CAPZA2: variants seen among roughly 807,000 people sequenced by gnomAD.
CAPZA2 encodes the protein F-actin-capping protein subunit alpha-2.
In CAPZA2, 13 loss-of-function variants were observed where a neutral mutation model predicts 44.0. The ratio of observed to expected loss-of-function variants is 0.30; its 90% confidence interval spans 0.19 to 0.47. The LOEUF (loss-of-function observed/expected upper bound fraction) is 0.47, where lower values mean the gene tolerates loss of function less well. CAPZA2 is among the 20% of genes least tolerant of loss of function. The pLI, the probability that CAPZA2 is intolerant of heterozygous loss-of-function variation, is 1.00. For synonymous variants in CAPZA2, 94 were observed against 108.2 expected (o/e 0.87, Z 0.81); for missense variants, 244 against 338.6 (o/e 0.72, Z 2.19).
At chr7:116,864,953 G>A (rs1026462796) in intron 1 of CAPZA2, among the ~76,000 whole-genome samples, 3 of 152,068 alleles carry the variant, frequency 2.0e-5, no homozygotes, top group Non-Finnish European at 4.4e-5. Flanking sequence ...AAGAGAAGCT[G>A]TTAAGATGTG....
chr7:116,887,749 C>T (rs1796782931), intron 1 of CAPZA2, among the ~76,000 whole-genome samples: 3 of 152,240 alleles, frequency 2.0e-5, no homozygotes, highest in South Asian at 4.1e-4. Flanking sequence ...AGGAGAATCA[C>T]GTAAACCCAG....
chr7:116,892,376 A>G (rs1277167208), intron 2 of CAPZA2, among the ~76,000 whole-genome samples: 1 of 152,228 alleles, frequency 6.6e-6, no homozygotes, highest in African/African-American at 2.4e-5. Flanking sequence ...TGAGAGCCGT[A>G]CGTGACTTTT....
chr7:116,863,886 A>G (rs1051031101), intron 1 of CAPZA2, among the ~76,000 whole-genome samples: 4 of 152,136 alleles, frequency 2.6e-5, no homozygotes, highest in East Asian at 1.9e-4. Flanking sequence ...TTGCACCGAA[A>G]TAGAAGGTTC....
intron 1 of CAPZA2, among the ~76,000 whole-genome samples, chr7:116,869,082 G>A (rs971511841): frequency 6.6e-6 from 1 of 152,166 alleles, no homozygotes; most frequent in African/African-American, 2.4e-5. Flanking sequence ...TTGAAAAGCA[G>A]GATGGCAAAA....
chr7:116,915,859 C>T (rs1791672621), intron 8 of CAPZA2: 1 of 333,020 alleles, frequency 3.0e-6, no homozygotes, highest in African/African-American at 2.2e-5. Flanking sequence ...AACATTGAGA[C>T]CAGCTTATTC....
At chr7:116,915,445 A>G (rs1289054170) in intron 8 of CAPZA2, 2 of 152,164 alleles carry the variant, frequency 1.3e-5, no homozygotes, top group Non-Finnish European at 2.9e-5. Flanking sequence ...TTTTTACTCT[A>G]TCTTAGGAGG....
chr7:116,899,861 A>G (rs1295936249), intron 4 of CAPZA2, among the ~76,000 whole-genome samples: 3 of 150,358 alleles, frequency 2.0e-5, no homozygotes, highest in African/African-American at 7.3e-5. Flanking sequence ...AAAAGATAAA[A>G]CAAAAAAGGT....
Position 116,921,192 on chromosome 7 carries a change from T to C in CAPZA2, c.*3325T>C, listed in dbSNP as rs1791765832. On this transcript the variant is annotated 3_prime_UTR_variant, in exon 10 of 10. Coordinates refer to ENST00000361183, the MANE Select transcript of CAPZA2 (RefSeq NM_006136.3). ...TGAGGTCCAGAGATCAAGACCATCC[T>C]GGCCAATATGGTGCAACCCCATCTC... The C allele has an allele frequency of 6.6e-6, 1 of 152,196 alleles. No individual in the cohort carries two copies. Among genetic ancestry groups the C allele is most frequent in the Admixed American group, 6.6e-5 (1 of 15,264 alleles). 9.4% of individuals were successfully genotyped at this position (152,196 alleles called of 1,614,324 possible).
intron 4 of CAPZA2, among the ~76,000 whole-genome samples, chr7:116,903,629 TGAA>T (rs1463545833): frequency 2.0e-5 from 3 of 152,170 alleles, no homozygotes; most frequent in Admixed American, 6.5e-5. Context: ...TTTATGGAAA[TGAA>T]GTATGTTTTT....
chr7:116,887,537 A>T (rs1164465258), intron 1 of CAPZA2, among the ~76,000 whole-genome samples: 1 of 151,984 alleles, frequency 6.6e-6, no homozygotes, highest in African/African-American at 2.4e-5. Context: ...CAAAAAAAAA[A>T]TGAAATAAAA....
intron 1 of CAPZA2, among the ~76,000 whole-genome samples, chr7:116,881,568 T>C (rs907836775): frequency 2.6e-5 from 4 of 151,590 alleles, no homozygotes; most frequent in Non-Finnish European, 5.9e-5. Flanking sequence ...TGAAACCCCG[T>C]CTCTACTAAA....
rs1011886318 is a variant in CAPZA2 at position 116,865,177 on chromosome 7, C to CTTTTTTT, written c.39+2547_39+2553dup. 8.2e-4 allele frequency among the ~76,000 whole-genome samples: 72 copies of CTTTTTTT among 87,990 alleles called. 5 individuals carry two copies. Among genetic ancestry groups the CTTTTTTT allele is most frequent in the Non-Finnish European group, 1.2e-3 (53 of 45,128 alleles). The allele number at this position is 87,990 out of a possible 152,430, so 57.7% of individuals were successfully genotyped here. A position where few individuals can be genotyped will look rare whatever the true frequency, so the allele number is the denominator to read the frequency against. ...TTCTTGTGACATTATGCGCTCTCTT[C>CTTTTTTT]TTTTTTTTTTTTTTTTTTTTTTTTT... On this transcript the variant is annotated intron_variant, in intron 1 of 9. Coordinates refer to ENST00000361183, the MANE Select transcript of CAPZA2 (RefSeq NM_006136.3).
intron 1 of CAPZA2, among the ~76,000 whole-genome samples, chr7:116,877,460 G>C (rs1402188705): frequency 6.6e-6 from 1 of 152,190 alleles, no homozygotes; most frequent in Non-Finnish European, 1.5e-5. Context: ...GAGTGATAAG[G>C]CTCCAGTTCT....
At chr7:116,872,883 G>A (rs954428901) in intron 1 of CAPZA2, among the ~76,000 whole-genome samples, 5 of 152,084 alleles carry the variant, frequency 3.3e-5, no homozygotes, top group Non-Finnish European at 7.4e-5. Flanking sequence ...AGTCCCTTAG[G>A]GCATGGGTGC....
Position 116,917,907 on chromosome 7 carries a change from G to A in CAPZA2, c.*40G>A, listed in dbSNP as rs755895548. The A allele has an allele frequency of 2.2e-5, 34 of 1,569,576 alleles. No homozygotes were observed. The highest frequency in any genetic ancestry group is 4.4e-5 in the South Asian group (4 of 89,980). The stretch of plus-strand genomic sequence containing the variant: ...GACCGGATCATTTTAGTGTCTTTGC[G>A]TTAAAAAATCATTGCAAAAGTATTC... On this transcript the variant is annotated 3_prime_UTR_variant, in exon 10 of 10. Transcript: ENST00000361183.
intron 4 of CAPZA2, among the ~76,000 whole-genome samples, chr7:116,901,029 A>G (rs554863532): frequency 6.6e-6 from 1 of 152,194 alleles, no homozygotes; most frequent in East Asian, 1.9e-4. Context: ...TGGTGAGGTT[A>G]CGGAGCAAAA....
rs1791738772 is a variant in CAPZA2 at position 116,919,723 on chromosome 7, G to A, written c.*1856G>A. 6.6e-6 allele frequency: 1 copy of A among 151,522 alleles called. No homozygotes were observed. Among genetic ancestry groups the A allele is most frequent in the Admixed American group, 6.6e-5 (1 of 15,164 alleles). 9.4% of individuals were successfully genotyped at this position (151,522 alleles called of 1,614,324 possible). A position where few individuals can be genotyped will look rare whatever the true frequency, so the allele number is the denominator to read the frequency against. ...TACTAAAAATACAAAAAATTAGCCG[G>A]GTGTGGTGACAGGCGCTTGTAGTCC... On this transcript the variant is annotated 3_prime_UTR_variant, in exon 10 of 10. Coordinates refer to ENST00000361183, the MANE Select transcript of CAPZA2 (RefSeq NM_006136.3).
At chr7:116,863,025 A>G (rs1471488491) in intron 1 of CAPZA2, among the ~76,000 whole-genome samples, 1 of 152,004 alleles carries the variant, frequency 6.6e-6, no homozygotes, top group African/African-American at 2.4e-5. Flanking sequence ...CAGGGACGCA[A>G]AGGGGTTTGC....
At chr7:116,909,287 C>G (rs1377871438) in intron 6 of CAPZA2, among the ~76,000 whole-genome samples, 1 of 152,018 alleles carries the variant, frequency 6.6e-6, no homozygotes, top group African/African-American at 2.4e-5. Context: ...TTCAAAAAAG[C>G]TAACATATTA....
Sources: gnomAD v4.1 joint callset for allele counts (sites outside exome capture counted in the v4.1 genomes callset) on GRCh38, gnomAD v4.1.1 for gene constraint, MANE v1.5 for transcripts, NCBI Gene and HGNC (gene_info 2026-07-23, HGNC 2026-07-21) for gene names.